Variants in IGLL5 observed in about 807,000 individuals in gnomAD.
IGLL5 encodes the protein immunoglobulin lambda like polypeptide 5.
A neutral mutation model predicts 20.9 loss-of-function variants in IGLL5; 30 were observed. The observed-to-expected ratio is 1.44, with a 90% CI of 1.07 to 1.95. The LOEUF (loss-of-function observed/expected upper bound fraction) is 1.95. Among genes scored for constraint, IGLL5 ranks in the 30% most tolerant of loss-of-function variants. The pLI is 0.00. For synonymous variants in IGLL5, 203 were observed against 117.3 expected, an observed-to-expected ratio of 1.73 and a Z score of -4.72; for missense variants, 475 against 270.7, an observed-to-expected ratio of 1.75 and a Z score of -5.30.
Position 22,887,980 on chromosome 22 carries a change from A to G in IGLL5, c.-74A>G, listed in dbSNP as rs2067555992. 2 of 1,202,484 alleles carry G rather than the reference A, an allele frequency of 1.7e-6. No individual in the cohort carries two copies. The highest frequency in any genetic ancestry group is 1.5e-5 in the African/African-American group (1 of 65,848). 74.5% of individuals were successfully genotyped at this position (1,202,484 alleles called of 1,614,324 possible). ...GTACTGTAACAGCCCTGCTGGCGAG[A>G]GGGACCAGGGCACCGTCCTCCAGGG... is the stretch of plus-strand genomic sequence containing the variant. On this transcript the variant is annotated 5_prime_UTR_variant, in exon 1 of 3. Transcript: ENST00000526893.
rs1372169079 is a variant in IGLL5, at chr22:22,888,249, C to T, written c.196C>T (p.Leu66=). Reference sequence around the variant, plus strand: ...AAGCAGCCGATCCAGCCTGCGGAGCCTGTGGGGCAGGTAAGGGGCAAGAGA... The same window carrying T: ...AAGCAGCCGATCCAGCCTGCGGAGCTTGTGGGGCAGGTAAGGGGCAAGAGA... ...VGSSRSSLRS[L]WGRLLLQPSP... is the part of the protein sequence containing the mutation. The change falls in exon 1 of 3, where the codon CTG becomes TTG. Residue 66 remains leucine (L), a synonymous_variant. Transcript: ENST00000526893. 4 of 1,547,594 alleles carry T rather than the reference C, an allele frequency of 2.6e-6. No individual in the cohort carries two copies. Among genetic ancestry groups the T allele is most frequent in the Admixed American group, 2.0e-5 (1 of 50,744 alleles).
At chr22:22,892,463 G>C (rs1049584889) in intron 1 of IGLL5, among the ~76,000 whole-genome samples, 1 of 150,966 alleles carries the variant, frequency 6.6e-6, no homozygotes, top group African/African-American at 2.4e-5. Context: ...TTCTCTGTAG[G>C]ATGTTAATAG....
chr22:22,890,069 T>C (rs2067772581), intron 1 of IGLL5, among the ~76,000 whole-genome samples: 2 of 151,038 alleles, frequency 1.3e-5, no homozygotes, highest in South Asian at 2.1e-4. Context: ...TAATATAATT[T>C]TTAATACAAC....
At chr22:22,889,398 T>A (rs2067715260) in intron 1 of IGLL5, among the ~76,000 whole-genome samples, 1 of 151,166 alleles carries the variant, frequency 6.6e-6, no homozygotes, top group Admixed American at 6.6e-5. Context: ...AAACAAAGTG[T>A]GTTTATCTAA....
At chr22:22,890,549 A>G in intron 1 of IGLL5, among the ~76,000 whole-genome samples, 1 of 116,368 alleles carries the variant, frequency 8.6e-6, no homozygotes, top group Non-Finnish European at 1.7e-5. Context: ...GCTGCAGTGG[A>G]AATTTGTGTG....
In IGLL5 at chr22:22,895,668, A is replaced by T. The variant is rs2066752306; in HGVS notation, c.619A>T (p.Thr207Ser). 3 of 1,613,250 alleles carry T rather than the reference A, an allele frequency of 1.9e-6. No individual in the cohort carries two copies. Among genetic ancestry groups the T allele is most frequent in the East Asian group, 2.2e-5 (1 of 44,682 alleles). The change falls in exon 3 of 3, where the codon ACA becomes TCA. Residue 207 changes from threonine to serine, a missense_variant. Transcript: ENST00000526893. ...VTHEGSTVEK[T>S]VAPTECS The stretch of plus-strand genomic sequence containing the variant: ...GCATGAAGGGAGCACCGTGGAGAAG[A>T]CAGTGGCCCCTACAGAATGTTCATA...
In IGLL5 at chr22:22,887,956, T is replaced by C. The variant is rs541758193; in HGVS notation, c.-98T>C. The C allele has an allele frequency of 6.4e-6, 6 of 938,312 alleles. No individual in the cohort carries two copies. Among genetic ancestry groups the C allele is most frequent in the Non-Finnish European group, 6.8e-6 (4 of 590,290 alleles). The allele number at this position is 938,312 out of a possible 1,614,324, so 58.1% of individuals were successfully genotyped here. ...AGGACAGAGCCAATGGACTGGGGTGTACTGTAACAGCCCTGCTGGCGAGAG... is the reference window on the plus strand; with the variant it reads ...AGGACAGAGCCAATGGACTGGGGTGCACTGTAACAGCCCTGCTGGCGAGAG... On this transcript the variant is annotated 5_prime_UTR_variant, in exon 1 of 3. Coordinates refer to ENST00000526893, the MANE Select transcript of IGLL5 (RefSeq NM_001178126.2).
chr22:22,890,129 A>G (rs2067777918), intron 1 of IGLL5, among the ~76,000 whole-genome samples: 1 of 150,532 alleles, frequency 6.6e-6, no homozygotes, highest in African/African-American at 2.4e-5. Context: ...ATATTACAAA[A>G]TGTAATGACT....
At chr22:22,889,488 C>G (rs2067725050) in intron 1 of IGLL5, among the ~76,000 whole-genome samples, 2 of 151,246 alleles carry the variant, frequency 1.3e-5, no homozygotes, top group Non-Finnish European at 2.9e-5. Context: ...ATCTTTATAA[C>G]AAGGGTGGTT....
At chr22:22,894,837 A>G (rs537271871) in intron 2 of IGLL5, among the ~76,000 whole-genome samples, 3 of 151,374 alleles carry the variant, frequency 2.0e-5, no homozygotes, top group South Asian at 2.1e-4. Flanking sequence ...CAGGAGAGCC[A>G]AGTGGGCTGG....
At chr22:22,894,710 GAGC>G in intron 2 of IGLL5, among the ~76,000 whole-genome samples, 1 of 151,454 alleles carries the variant, frequency 6.6e-6, no homozygotes, top group South Asian at 2.1e-4. Flanking sequence ...TAGTCTGTGG[GAGC>G]AGCCCCAGGA....
At chr22:22,894,226 C>G (rs79836308) in intron 2 of IGLL5, among the ~76,000 whole-genome samples, 3 of 151,118 alleles carry the variant, frequency 2.0e-5, no homozygotes, top group African/African-American at 7.3e-5. Context: ...TCTAGGGGAG[C>G]AGCCCCAAGA....
intron 1 of IGLL5, among the ~76,000 whole-genome samples, chr22:22,889,629 T>A (rs2067740890): frequency 1.3e-5 from 2 of 151,424 alleles, no homozygotes; most frequent in South Asian, 2.1e-4. Flanking sequence ...GATCTGTTGC[T>A]CAGGCTGGAG....
In IGLL5 at chr22:22,888,723, A is replaced by C. The variant is rs540833693; in HGVS notation, c.206+464A>C. On this transcript the variant is annotated intron_variant, in intron 1 of 2. Transcript: ENST00000526893. Reference sequence around the variant, plus strand: ...GCAAGGGCTTGGTTTGGTCTCCCCCAAGGCTGTCTGTTCACCAACTTGCAC... The same window carrying C: ...GCAAGGGCTTGGTTTGGTCTCCCCCCAGGCTGTCTGTTCACCAACTTGCAC... Among the ~76,000 whole-genome samples the C allele has an allele frequency of 5.3e-5, 8 of 151,378 alleles. No individual in the cohort carries two copies. The South Asian group carries it at 6.3e-4, about 12-fold the overall frequency.
chr22:22,894,787 A>C (rs2066696952), intron 2 of IGLL5, among the ~76,000 whole-genome samples: 1 of 151,184 alleles, frequency 6.6e-6, no homozygotes, highest in African/African-American at 2.4e-5. Flanking sequence ...AGAGCCTCAG[A>C]GGAGCCCTGA....
At chr22:22,888,945 G>A (rs2067667734) in intron 1 of IGLL5, among the ~76,000 whole-genome samples, 2 of 151,402 alleles carry the variant, frequency 1.3e-5, no homozygotes, top group African/African-American at 4.8e-5. Context: ...CCAAAAGACA[G>A]AGCAGCGTCA....
At chr22:22,890,577 GTGTGTGTGTGTGTGTGTGTGTGTA>G (rs2067808823) in intron 1 of IGLL5, among the ~76,000 whole-genome samples, 2 of 143,380 alleles carry the variant, frequency 1.4e-5, no homozygotes, top group South Asian at 4.6e-4. Context: ...GTGTGTGTGT[GTGTGTGTGTGTGTGTGTGTGTGTA>G]TGTGTACAAA....
At position 22,888,130 on chromosome 22, in the gene IGLL5, T is replaced by C. The variant is rs752273728; in HGVS notation, c.77T>C (p.Leu26Pro). The change falls in exon 1 of 3, where the codon CTG (leucine) becomes CCG (proline). Residue 26 changes from leucine to proline, a missense_variant. By Grantham distance (98) the Leu-to-Pro change is moderately conservative (BLOSUM62 -3). Transcript: ENST00000526893. ...LGPGPRQRWP[L>P]LLLGLAMVAH... ...CCTGGTCCCAGGCAGCGCTGGCCCC[T>C]GCTGCTGCTGGGTCTGGCCATGGTC... 2.6e-6 allele frequency: 4 copies of C among 1,548,146 alleles called. No homozygotes were observed. Among genetic ancestry groups the C allele is most frequent in the African/African-American group, 2.7e-5 (2 of 72,728 alleles).
Position 22,895,480 on chromosome 22 carries a change from G to C in IGLL5, c.431G>C (p.Gly144Ala). Residue 144 changes from glycine to alanine, a missense_variant, in exon 3 of 3, where the codon GGA (glycine) becomes GCA (alanine). By Grantham distance (60) the Gly-to-Ala change is moderately conservative. Transcript: ENST00000526893. ...TGTCTGATCAGTGACTTCTACCCGGGAGCTGTGACAGTGGCCTGGAAGGCA... is the reference window on the plus strand; with the variant it reads ...TGTCTGATCAGTGACTTCTACCCGGCAGCTGTGACAGTGGCCTGGAAGGCA... ...LVCLISDFYP[G>A]AVTVAWKADG... 1 of 1,612,778 alleles carries C rather than the reference G, an allele frequency of 6.2e-7. No homozygotes were observed. Among genetic ancestry groups the C allele is most frequent in the Non-Finnish European group, 8.5e-7 (1 of 1,179,578 alleles).
Sources: allele counts gnomAD v4.1 joint callset (sites outside exome capture counted in the v4.1 genomes callset), GRCh38; gene constraint gnomAD v4.1.1; transcripts MANE v1.5; gene names NCBI Gene and HGNC (gene_info 2026-07-23, HGNC 2026-07-21).